The following TIAM2 variants were observed in gnomAD, a reference collection of about 807,000 sequenced individuals.
TIAM2 encodes rho guanine nucleotide exchange factor TIAM2.
TIAM2 carries 80 observed loss-of-function variants against 152.9 expected under a neutral mutation model. The ratio of observed to expected loss-of-function variants is 0.52; its 90% CI spans 0.44 to 0.63. The LOEUF is 0.63. TIAM2 is among the 30% of genes least tolerant of loss of function. The probability of loss-of-function intolerance (pLI) is 0.00; values close to 1 mark genes in which losing one functional copy is unlikely to be tolerated. For missense variants in TIAM2, 1,965 were observed against 2,120.1 expected, an observed-to-expected ratio of 0.93 and a Z score of 1.44; for synonymous variants, 804 against 838.0, an observed-to-expected ratio of 0.96 and a Z score of 0.70.
intron 7 of TIAM2, among the ~76,000 whole-genome samples, chr6:155,155,826 G>A (rs747455155): frequency 6.6e-5 from 10 of 152,198 alleles, no homozygotes; most frequent in Admixed American, 1.3e-4. Context: ...TTAAATGAGC[G>A]TTTGTTCGGT....
At chr6:155,138,732 A>G (rs2115051095) in intron 5 of TIAM2, among the ~76,000 whole-genome samples, 1 of 152,200 alleles carries the variant, frequency 6.6e-6, no homozygotes, top group African/African-American at 2.4e-5. Context: ...GATGGTTTCC[A>G]GCTTCATCCA....
At chr6:155,068,056 A>G (rs1777743575) in intron 1 of TIAM2, among the ~76,000 whole-genome samples, 2 of 152,204 alleles carry the variant, frequency 1.3e-5, no homozygotes, top group Non-Finnish European at 2.9e-5. Context: ...AAGGGGTGAT[A>G]TGCAGCAGTG....
chr6:155,079,300 A>G (rs561555634), intron 1 of TIAM2, among the ~76,000 whole-genome samples: 39 of 152,182 alleles, frequency 2.6e-4, no homozygotes, highest in African/African-American at 8.9e-4. Context: ...GACCTCAGGT[A>G]ATCTTCCGGC....
At position 155,129,749 on chromosome 6, in the gene TIAM2, G is replaced by A. The variant is rs757786546; in HGVS notation, c.526G>A (p.Glu176Lys). ...LGKLDGCLRVEFHNGGNPSKV... is the reference protein window; with the variant it reads ...LGKLDGCLRVKFHNGGNPSKV... ...GAAGCTGGATGGGTGTTTAAGGGTC[G>A]AGTTCCACAATGGTGGCAACCCCAG... Residue 176 changes from glutamate to lysine, a missense_variant, in exon 4 of 27, where the codon GAG (glutamate) becomes AAG (lysine). By Grantham distance (56) the Glu-to-Lys change is moderately conservative. This residue lies in a region of TIAM2 where 1,025 missense variants were observed against 1,119.4 expected (regional missense o/e 0.92). Transcript: ENST00000682666. The surrounding 1 kb of genome is among the most constrained non-coding windows in gnomAD (Gnocchi z 4.8). 9.3e-6 allele frequency: 15 copies of A among 1,613,762 alleles called. No individual in the cohort carries two copies. Among genetic ancestry groups the A allele is most frequent in the Admixed American group, 5.0e-5 (3 of 60,008 alleles).
At chr6:155,210,206 A>G (rs1167542916) in intron 14 of TIAM2, among the ~76,000 whole-genome samples, 2 of 151,990 alleles carry the variant, frequency 1.3e-5, no homozygotes, top group Non-Finnish European at 2.9e-5. Context: ...TACTTATTTC[A>G]TATTATTTAA....
intron 15 of TIAM2, among the ~76,000 whole-genome samples, chr6:155,233,924 C>T (rs1202149875): frequency 4.0e-5 from 6 of 151,236 alleles, no homozygotes; most frequent in Admixed American, 3.9e-4. Flanking sequence ...GATTGTACCA[C>T]AGCACTCCAG....
At chr6:155,124,170 C>T (rs1289733777) in intron 2 of TIAM2, among the ~76,000 whole-genome samples, 1 of 151,888 alleles carries the variant, frequency 6.6e-6, no homozygotes, top group Non-Finnish European at 1.5e-5. Flanking sequence ...AGGTGTGTGC[C>T]CTCACACTCA....
intron 1 of TIAM2, among the ~76,000 whole-genome samples, chr6:155,047,652 AGAGAGAGAGAGAGAG>A (rs1231777362): frequency 8.9e-6 from 1 of 112,634 alleles, no homozygotes. Flanking sequence ...GGGTGGGGGG[AGAGAGAGAGAGAGAG>A]GAGAGAGAGA....
chr6:155,243,403 G>A (rs1222395641), intron 16 of TIAM2, among the ~76,000 whole-genome samples: 1 of 152,214 alleles, frequency 6.6e-6, no homozygotes, highest in East Asian at 1.9e-4. Context: ...TGCTGCAGTG[G>A]CCTGAAGAAA....
chr6:155,141,973 G>A (rs1284038579), intron 5 of TIAM2, among the ~76,000 whole-genome samples: 1 of 152,170 alleles, frequency 6.6e-6, no homozygotes, highest in Non-Finnish European at 1.5e-5. Flanking sequence ...AGAACGTCCA[G>A]TGTCAACGAC....
intron 7 of TIAM2, among the ~76,000 whole-genome samples, chr6:155,155,994 A>G (rs1195603017): frequency 1.3e-5 from 2 of 152,174 alleles, no homozygotes; most frequent in East Asian, 3.8e-4. Flanking sequence ...CTCTCAGTCT[A>G]GCAGGTGACA....
intron 2 of TIAM2, among the ~76,000 whole-genome samples, chr6:155,119,239 T>G (rs1315415303): frequency 6.6e-6 from 1 of 152,084 alleles, no homozygotes. Flanking sequence ...TTCACTGTGT[T>G]GGCCAGGCTG....
intron 7 of TIAM2, among the ~76,000 whole-genome samples, chr6:155,163,468 C>A (rs2115097088): frequency 6.6e-6 from 1 of 152,284 alleles, no homozygotes; most frequent in Admixed American, 6.5e-5. Flanking sequence ...GGCTGCATTT[C>A]TTTACCAACT....
At chr6:155,105,629 A>G (rs762067498) in intron 2 of TIAM2, among the ~76,000 whole-genome samples, 25 of 147,050 alleles carry the variant, frequency 1.7e-4, no homozygotes. Flanking sequence ...TAATTGTTTA[A>G]TTTTTTTCTG....
In TIAM2 at chr6:155,213,367, G is replaced by A. The variant is rs952103605; in HGVS notation, c.3168+2060G>A. Among the ~76,000 whole-genome samples the A allele has an allele frequency of 5.3e-5, 8 of 152,130 alleles. No homozygotes were observed. The highest frequency in any genetic ancestry group is 5.2e-4 in the Admixed American group (8 of 15,276). ...CAGCAGAGAGCAGACCCTGGAGTGG[G>A]TAGCTCCTCTCCACAGCTGGTAGTA... On this transcript the variant is annotated intron_variant, in intron 15 of 26. Coordinates refer to ENST00000682666, the MANE Select transcript of TIAM2 (RefSeq NM_012454.4). This position sits in a 1 kb window ranked among gnomAD's most constrained non-coding sequence, Gnocchi z 4.2.
At chr6:155,243,076 C>T (rs1449042686) in intron 16 of TIAM2, among the ~76,000 whole-genome samples, 5 of 152,110 alleles carry the variant, frequency 3.3e-5, no homozygotes, top group South Asian at 2.1e-4. Context: ...ATCTTTCGCT[C>T]ATGGGTTTTG....
At chr6:154,996,612 C>G (rs191666343) in intron 1 of TIAM2, among the ~76,000 whole-genome samples, 81 of 152,262 alleles carry the variant, frequency 5.3e-4, no homozygotes, top group Non-Finnish European at 8.5e-4. Flanking sequence ...AAAATCTTAC[C>G]AAGTTTCGTA....
chr6:155,012,037 G>A (rs933751046), intron 1 of TIAM2, among the ~76,000 whole-genome samples: 1 of 152,162 alleles, frequency 6.6e-6, no homozygotes, highest in Non-Finnish European at 1.5e-5. Context: ...TCCAAGAGAA[G>A]TATTGTAAAT....
chr6:155,088,282 T>A (rs2114976151), intron 1 of TIAM2, among the ~76,000 whole-genome samples: 1 of 151,694 alleles, frequency 6.6e-6, no homozygotes, highest in South Asian at 2.1e-4. Flanking sequence ...AGCCACTCCA[T>A]GTTGGCCAGG....
Sources: gnomAD v4.1 joint callset for allele counts (sites outside exome capture counted in the v4.1 genomes callset) on GRCh38, gnomAD v4.1.1 for gene constraint, gnomAD v4.1.1 regional missense constraint, Gnocchi (gnomAD v3.1) non-coding constraint, MANE v1.5 for transcripts, NCBI Gene and HGNC (gene_info 2026-07-23, HGNC 2026-07-21) for gene names.